The following ENDOV variants were observed in gnomAD, a reference collection of about 807,000 sequenced individuals.
ENDOV encodes hEndoV.
ENDOV carries 37 observed loss-of-function variants against 39.4 expected under a neutral mutation model. The ratio of observed to expected loss-of-function variants is 0.94; its 90% CI spans 0.72 to 1.23. ENDOV has a LOEUF of 1.23. Among genes scored for constraint, ENDOV ranks in the 50% most tolerant of loss-of-function variants. The pLI is 0.00. For missense variants in ENDOV, 441 were observed against 375.7 expected (o/e 1.17, Z -1.44); for synonymous variants, 186 against 163.4 (o/e 1.14, Z -1.05).
At chr17:80,430,909 GC>G (rs1318206039) in intron 9 of ENDOV, among the ~76,000 whole-genome samples, 4 of 152,106 alleles carry the variant, frequency 2.6e-5, no homozygotes, top group African/African-American at 9.7e-5. Context: ...TGGGCTAGAG[GC>G]GCCAGCTGAG....
At chr17:80,415,912 C>T (rs1223125227) in intron 2 of ENDOV, 91 bp downstream of exon 2, 4 of 1,461,626 alleles carry the variant, frequency 2.7e-6, no homozygotes, top group African/African-American at 1.5e-5. Flanking sequence ...AGCGTAGAAC[C>T]CGGCTTCTCG....
chr17:80,430,926 G>A (rs41301886), intron 9 of ENDOV, among the ~76,000 whole-genome samples: 19,112 of 152,168 alleles, frequency 0.13, 1,201 homozygotes, highest in Middle Eastern at 0.18. Flanking sequence ...CTGAGGAGTG[G>A]GGGCAAAGGG....
intron 9 of ENDOV, among the ~76,000 whole-genome samples, chr17:80,435,345 AG>A (rs1381666530): frequency 6.6e-6 from 1 of 152,218 alleles, no homozygotes; most frequent in Non-Finnish European, 1.5e-5. Context: ...AGAAATGTAT[AG>A]TTTTAGTGCT....
rs144574902 is a variant in ENDOV at position 80,425,225 on chromosome 17, C to T, written c.585+125C>T. 1,661 of 892,174 alleles carry T rather than the reference C, an allele frequency of 1.9e-3. 37 individuals are homozygous for T. The East Asian group carries it at 0.038, about 21-fold the overall frequency. 55.3% of individuals were successfully genotyped at this position (892,174 alleles called of 1,614,324 possible). On this transcript the variant is annotated intron_variant, in intron 6 of 9. Coordinates refer to ENST00000518137, the MANE Select transcript of ENDOV (RefSeq NM_173627.5). ...CCACATCAACCCCCCGCCTGCCCGT[C>T]CATCCATCCTCCTGCCTCTGACTGA...
chr17:80,416,386 G>C (rs150405127), intron 2 of ENDOV: 371 of 154,328 alleles, frequency 2.4e-3, no homozygotes, highest in Non-Finnish European at 3.9e-3. Flanking sequence ...TCAGTGACCT[G>C]TCCACCACGC....
At chr17:80,415,574 C>A in intron 1 of ENDOV, 76 bp from the exon 2 acceptor site, 1 of 1,526,888 alleles carries the variant, frequency 6.5e-7, no homozygotes, top group Non-Finnish European at 8.9e-7. Context: ...GCGCTCTGTC[C>A]GCTGCAGCCG....
At chr17:80,436,055 C>A in intron 9 of ENDOV, 78 bp from the exon 10 acceptor site, 2 of 1,524,704 alleles carry the variant, frequency 1.3e-6, no homozygotes, top group Non-Finnish European at 1.8e-6. Context: ...GCACCTGGCC[C>A]ATTTCCACTT....
intron 4 of ENDOV, among the ~76,000 whole-genome samples, chr17:80,422,857 G>A (rs781149827): frequency 1.3e-5 from 2 of 152,192 alleles, no homozygotes; most frequent in African/African-American, 2.4e-5. Context: ...CCATCACCAC[G>A]CCCGGCTAAT....
intron 7 of ENDOV, chr17:80,427,305 A>G (rs2145059924): frequency 2.1e-6 from 1 of 473,898 alleles, no homozygotes; most frequent in East Asian, 1.5e-4. Context: ...AGCCACAGGA[A>G]CTTTAGGTCG....
Position 80,415,657 on chromosome 17 carries a change from G to T in ENDOV, c.64G>T (p.Ala22Ser). 6.2e-7 allele frequency: 1 copy of T among 1,612,364 alleles called. No individual in the cohort carries two copies. The highest frequency in any genetic ancestry group is 8.5e-7 in the Non-Finnish European group (1 of 1,179,272). ...ACGCTTCTGTCCTCCTAGGGAGCAA[G>T]CTCGGCTGAAGGCCCACGTCGTAGA... is the stretch of plus-strand genomic sequence containing the variant. ...ETLSLWKREQARLKAHVVDRD... is the reference protein window; with the variant it reads ...ETLSLWKREQSRLKAHVVDRD... Residue 22 changes from alanine to serine, a missense_variant, in exon 2 of 10, where the codon GCT (alanine) becomes TCT (serine). Physicochemically the swap from Ala to Ser is moderately conservative, Grantham distance 99. Coordinates refer to ENST00000518137, the MANE Select transcript of ENDOV (RefSeq NM_173627.5).
chr17:80,436,585 G>T lies in ENDOV; in HGVS notation c.*442G>T. On this transcript the variant is annotated 3_prime_UTR_variant, in exon 10 of 10. Transcript: ENST00000518137. ...ACATTGATTGATTTTCATATGTTGA[G>T]CCAGTTTCCATTTGTGGAATACATC... 1 of 280,778 alleles carries T rather than the reference G, an allele frequency of 3.6e-6. No individual in the cohort carries two copies. The highest frequency in any genetic ancestry group is 6.8e-6 in the Non-Finnish European group (1 of 147,116). 17.4% of individuals were successfully genotyped at this position (280,778 alleles called of 1,614,324 possible).
At chr17:80,432,571 C>A (rs6565689) in intron 9 of ENDOV, among the ~76,000 whole-genome samples, 1 of 151,812 alleles carries the variant, frequency 6.6e-6, no homozygotes, top group Non-Finnish European at 1.5e-5. Context: ...GCAGAGGTCC[C>A]GTGTCATTGC....
intron 9 of ENDOV, 138 bp from the exon 10 acceptor site, chr17:80,435,995 T>A: frequency 1.1e-6 from 1 of 918,426 alleles, no homozygotes; most frequent in Non-Finnish European, 1.7e-6. Flanking sequence ...GCTCAAGCTT[T>A]CCTCCCACCT....
chr17:80,421,725 G>A (rs539379636), intron 2 of ENDOV, 103 bp from the exon 3 acceptor site: 11 of 1,447,066 alleles, frequency 7.6e-6, no homozygotes, highest in African/African-American at 1.4e-5. Context: ...TGAGGGTGAC[G>A]TAAGGGAGAG....
rs1308131550 is a variant in ENDOV, at chr17:80,436,443, TC to T, written c.*303del. The stretch of plus-strand genomic sequence containing the variant: ...ATGCTCTTCATCCAGCTGAAGACGG[TC>T]CCTTCTAGTCCTAATTTGTTAAGTG... On this transcript the variant is annotated 3_prime_UTR_variant, in exon 10 of 10. Coordinates refer to ENST00000518137, the MANE Select transcript of ENDOV (RefSeq NM_173627.5). 1.3e-5 allele frequency: 15 copies of T among 1,130,166 alleles called. No individual in the cohort carries two copies. The Admixed American group carries it at 4.6e-4, about 35-fold the overall frequency. 70.0% of individuals were successfully genotyped at this position (1,130,166 alleles called of 1,614,324 possible).
At chr17:80,425,400 G>A in intron 6 of ENDOV, 92 bp from the exon 7 acceptor site, 2 of 1,501,196 alleles carry the variant, frequency 1.3e-6, no homozygotes, top group Non-Finnish European at 1.8e-6. Context: ...TTGCCCCCAG[G>A]ACATTTTGTC....
At chr17:80,424,949 C>G in intron 5 of ENDOV, 83 bp from the exon 6 acceptor site, 1 of 1,197,408 alleles carries the variant, frequency 8.4e-7, no homozygotes, top group South Asian at 1.3e-5. Context: ...TGCGACACTC[C>G]GTCTCAAAAA....
At chr17:80,421,432 G>A (rs938011956) in intron 2 of ENDOV, among the ~76,000 whole-genome samples, 1 of 148,772 alleles carries the variant, frequency 6.7e-6, no homozygotes, top group Non-Finnish European at 1.5e-5. Context: ...AGGTCTGGGA[G>A]TTGGGGCTCC....
At chr17:80,428,547 C>G in intron 7 of ENDOV, 49 bp from the exon 8 acceptor site, 3 of 1,537,486 alleles carry the variant, frequency 2.0e-6, no homozygotes, top group Non-Finnish European at 2.6e-6. Context: ...TGGTGGGAAA[C>G]TGGTCTAGAG....
Sources: allele counts gnomAD v4.1 joint callset (sites outside exome capture counted in the v4.1 genomes callset), GRCh38; gene constraint gnomAD v4.1.1; transcripts MANE v1.5; gene names NCBI Gene and HGNC (gene_info 2026-07-23, HGNC 2026-07-21).